Variants in LEPR observed in about 807,000 individuals in gnomAD.
LEPR encodes the protein OB receptor.
In LEPR, 56 loss-of-function variants were observed where a neutral mutation model predicts 114.7. That is an observed-to-expected ratio of 0.49 (90% CI 0.39 to 0.61). LEPR has a LOEUF of 0.61. Ranked by LOEUF, LEPR falls within the 20% of genes least tolerant of loss-of-function variation. The pLI, the probability that LEPR is intolerant of heterozygous loss-of-function variation, is 0.00. For missense variants in LEPR, 1,202 were observed against 1,352.9 expected, an observed-to-expected ratio of 0.89 and a Z score of 1.75; for synonymous variants, 443 against 461.4, an observed-to-expected ratio of 0.96 and a Z score of 0.51.
At chr1:65,565,633 A>C in intron 3 of LEPR, 28 bp downstream of exon 3, 1 of 1,613,372 alleles carries the variant, frequency 6.2e-7, no homozygotes, top group Non-Finnish European at 8.5e-7. Context: ...TTGCTGTTTT[A>C]ATGCCCTTAA....
intron 8 of LEPR, 125 bp from the exon 9 acceptor site, chr1:65,601,267 A>C (rs1374883644): frequency 6.7e-6 from 8 of 1,188,528 alleles, no homozygotes; most frequent in Non-Finnish European, 9.6e-6. Context: ...TCCAGTTTTT[A>C]AATTACACTC....
chr1:65,524,733 C>A (rs1259714086), intron 2 of LEPR, among the ~76,000 whole-genome samples: 1 of 152,156 alleles, frequency 6.6e-6, no homozygotes, highest in East Asian at 1.9e-4. Context: ...TTCTTTCTCC[C>A]TTACCCTGTT....
Position 65,622,068 on chromosome 1 carries a change from A to G in LEPR, c.2597+610A>G, listed in dbSNP as rs1657919862. Among the ~76,000 whole-genome samples the G allele has an allele frequency of 3.3e-5, 5 of 152,192 alleles. No individual in the cohort carries two copies. In the South Asian group the frequency reaches 8.3e-4, roughly 25 times the overall value. ...TGGTTTTTGATTAAGGGGAATTTTAATATGAGGTGCTTGTCCATGATGGTG... is the reference window on the plus strand; with the variant it reads ...TGGTTTTTGATTAAGGGGAATTTTAGTATGAGGTGCTTGTCCATGATGGTG... On this transcript the variant is annotated intron_variant, in intron 18 of 19. Transcript: ENST00000349533.
At chr1:65,488,141 CTCCTTCCT>C (rs1263169006) in intron 2 of LEPR, among the ~76,000 whole-genome samples, 4 of 97,384 alleles carry the variant, frequency 4.1e-5, no homozygotes, top group African/African-American at 6.2e-5. Context: ...CTCCCTCCCT[CTCCTTCCT>C]TCCTTCCTTC....
At chr1:65,599,775 ATT>A (rs1240173392) in intron 8 of LEPR, among the ~76,000 whole-genome samples, 14 of 152,216 alleles carry the variant, frequency 9.2e-5, no homozygotes, top group African/African-American at 2.6e-4. Context: ...GAAAACCATT[ATT>A]GTTTTCTTAT....
intron 2 of LEPR, among the ~76,000 whole-genome samples, chr1:65,525,442 G>A (rs1051223236): frequency 3.9e-5 from 6 of 152,126 alleles, no homozygotes; most frequent in Non-Finnish European, 8.8e-5. Flanking sequence ...CCCAGCGCCG[G>A]GTCTCTCCTC....
chr1:65,606,541 T>A (rs910383828), intron 11 of LEPR, among the ~76,000 whole-genome samples: 7 of 152,202 alleles, frequency 4.6e-5, no homozygotes, highest in African/African-American at 1.7e-4. Flanking sequence ...GTGTCTGTTT[T>A]GTCATCCATA....
intron 5 of LEPR, among the ~76,000 whole-genome samples, chr1:65,583,011 C>A (rs1655094976): frequency 6.6e-6 from 1 of 150,818 alleles, no homozygotes; most frequent in South Asian, 2.1e-4. Flanking sequence ...GGATTACTCT[C>A]CTGTGATAAA....
chr1:65,574,214 A>T (rs1654413815), intron 5 of LEPR, among the ~76,000 whole-genome samples: 1 of 152,180 alleles, frequency 6.6e-6, no homozygotes. Context: ...AATAAGAGCT[A>T]ATGAGAAAAT....
intron 2 of LEPR, among the ~76,000 whole-genome samples, chr1:65,504,123 T>C (rs991447295): frequency 3.3e-5 from 5 of 152,102 alleles, no homozygotes; most frequent in Non-Finnish European, 5.9e-5. Context: ...AAGGTAGCAA[T>C]GGATTATGAT....
intron 2 of LEPR, among the ~76,000 whole-genome samples, chr1:65,496,987 C>CATATAT (rs137868844): frequency 0.037 from 5,508 of 150,274 alleles, 313 homozygotes; most frequent in African/African-American, 0.12. Context: ...TGTTCATATA[C>CATATAT]ATATATATAT....
At chr1:65,512,810 T>G (rs1649097880) in intron 2 of LEPR, among the ~76,000 whole-genome samples, 1 of 152,196 alleles carries the variant, frequency 6.6e-6, no homozygotes, top group Admixed American at 6.5e-5. Context: ...GTTTCTATCA[T>G]CTAGTAAAAC....
At chr1:65,445,666 A>C (rs1266557865) in intron 2 of LEPR, among the ~76,000 whole-genome samples, 1 of 151,986 alleles carries the variant, frequency 6.6e-6, no homozygotes, top group Admixed American at 6.6e-5. Flanking sequence ...CAAATCTTTC[A>C]ATGTATTAGC....
At chr1:65,473,683 GGAT>G (rs1313470646) in intron 2 of LEPR, among the ~76,000 whole-genome samples, 1 of 152,074 alleles carries the variant, frequency 6.6e-6, no homozygotes, top group Admixed American at 6.6e-5. Flanking sequence ...TACAATGTGG[GGAT>G]GATGATGATG....
chr1:65,547,343 C>A (rs1651834620), intron 2 of LEPR, among the ~76,000 whole-genome samples: 1 of 152,018 alleles, frequency 6.6e-6, no homozygotes, highest in African/African-American at 2.4e-5. Context: ...GGGAGGATTC[C>A]CTCTTTTTCT....
At chr1:65,438,522 C>G (rs1029055711) in intron 2 of LEPR, among the ~76,000 whole-genome samples, 1 of 133,124 alleles carries the variant, frequency 7.5e-6, no homozygotes. Flanking sequence ...TGCACTCCAA[C>G]CTGGCGACAG....
At chr1:65,426,188 G>GA (rs1646361827) in intron 2 of LEPR, among the ~76,000 whole-genome samples, 2 of 152,136 alleles carry the variant, frequency 1.3e-5, no homozygotes, top group East Asian at 1.9e-4. Context: ...GATCTCTAGG[G>GA]AAAAAGCACT....
At chr1:65,568,963 G>A (rs1402232389) in intron 3 of LEPR, among the ~76,000 whole-genome samples, 3 of 152,024 alleles carry the variant, frequency 2.0e-5, no homozygotes, top group Non-Finnish European at 4.4e-5. Flanking sequence ...TTGGCTGCTT[G>A]TATGTCTTCT....
At position 65,467,561 on chromosome 1, in the gene LEPR, G is replaced by A. The variant is rs191446439; in HGVS notation, c.-21+42183G>A. Among the ~76,000 whole-genome samples the A allele has an allele frequency of 3.1e-4, 47 of 152,266 alleles. No homozygotes were observed. The East Asian group carries it at 5.6e-3, about 18-fold the overall frequency. On this transcript the variant is annotated intron_variant, in intron 2 of 19. Transcript: ENST00000349533. ...CACAATGCTGACAGAACCACTGCTC[G>A]CTTCAGAGCTGTCAGATAGGGACGT...
Sources: allele counts gnomAD v4.1 joint callset (sites outside exome capture counted in the v4.1 genomes callset), GRCh38; gene constraint gnomAD v4.1.1; transcripts MANE v1.5; gene names NCBI Gene and HGNC (gene_info 2026-07-23, HGNC 2026-07-21).